Variants in CRIM1 observed in about 807,000 individuals in gnomAD.
CRIM1 encodes cysteine rich transmembrane BMP regulator 1, also known as cysteine-rich motor neuron 1 protein.
A neutral mutation model predicts 116.4 loss-of-function variants in CRIM1; 32 were observed. That is an observed-to-expected ratio of 0.27 (90% CI 0.21 to 0.37). CRIM1 has a LOEUF of 0.37. Among genes scored for constraint, CRIM1 ranks in the 10% least tolerant of loss-of-function variants. The pLI is 1.00. For synonymous variants in CRIM1, 590 were observed against 509.2 expected, an observed-to-expected ratio of 1.16 and a Z score of -2.13; for missense variants, 1,331 against 1,354.8, an observed-to-expected ratio of 0.98 and a Z score of 0.28.
intron 1 of CRIM1, among the ~76,000 whole-genome samples, chr2:36,376,282 T>C (rs1366704877): frequency 6.6e-6 from 1 of 152,238 alleles, no homozygotes; most frequent in Non-Finnish European, 1.5e-5. Context: ...AATGTGATTA[T>C]AAATGTTTAA....
chr2:36,401,234 G>A (rs1367049843), intron 2 of CRIM1, among the ~76,000 whole-genome samples: 1 of 151,846 alleles, frequency 6.6e-6, no homozygotes, highest in African/African-American at 2.4e-5. Flanking sequence ...TTTACTCAGT[G>A]TTTTCTTTTC....
intron 4 of CRIM1, among the ~76,000 whole-genome samples, chr2:36,461,485 GA>G (rs1160926659): frequency 6.6e-6 from 1 of 152,144 alleles, no homozygotes. Flanking sequence ...CTCAGTAGAG[GA>G]AAATCTAGTC....
chr2:36,363,850 A>G (rs755700260), intron 1 of CRIM1, among the ~76,000 whole-genome samples: 5 of 152,174 alleles, frequency 3.3e-5, no homozygotes, highest in African/African-American at 9.7e-5. Flanking sequence ...GCTCGACGCC[A>G]TGGGGGCTAT....
In CRIM1 at chr2:36,356,264, C is replaced by CGAGGAG. The variant is rs1472387571; in HGVS notation, c.-24_-19dup. 1.5e-6 allele frequency: 2 copies of CGAGGAG among 1,313,168 alleles called. No homozygotes were observed. The allele number at this position is 1,313,168 out of a possible 1,614,324, so 81.3% of individuals were successfully genotyped here. A position where few individuals can be genotyped will look rare whatever the true frequency, so the allele number is the denominator to read the frequency against. On this transcript the variant is annotated 5_prime_UTR_variant, in exon 1 of 17. Coordinates refer to ENST00000280527, the MANE Select transcript of CRIM1 (RefSeq NM_016441.3). The surrounding 1 kb of genome is among the most constrained non-coding windows in gnomAD (Gnocchi z 4.3). ...GCCCGCCCCGCTCCCGGCCCGGCTG[C>CGAGGAG]GAGGAGGAGGCGGCGGCGGCGCAGG...
chr2:36,356,368 C>T lies in CRIM1; in HGVS notation c.76C>T (p.Leu26=). 2.5e-6 allele frequency: 4 copies of T among 1,595,656 alleles called. No homozygotes were observed. The highest frequency in any genetic ancestry group is 3.4e-6 in the Non-Finnish European group (4 of 1,173,480). The change falls in exon 1 of 17, where the codon CTG becomes TTG. Residue 26 remains leucine, a synonymous_variant. Coordinates refer to ENST00000280527, the MANE Select transcript of CRIM1 (RefSeq NM_016441.3). This position sits in a 1 kb window ranked among gnomAD's most constrained non-coding sequence, Gnocchi z 4.3. ...GGTCTCGCTGCTGGGGCTGCTGCTG[C>T]TGCTGGCGCGCTCCGGCACCCGGGC... ...LLVSLLGLLL[L]LARSGTRALV...
chr2:36,380,330 G>C (rs1484949377), intron 1 of CRIM1, among the ~76,000 whole-genome samples: 1 of 152,156 alleles, frequency 6.6e-6, no homozygotes, highest in Non-Finnish European at 1.5e-5. Flanking sequence ...GTGTCAGAGG[G>C]ATTCAGCACT....
chr2:36,421,501 C>T (rs3770903), intron 2 of CRIM1, among the ~76,000 whole-genome samples: 31,411 of 152,074 alleles, frequency 0.21, 4,556 homozygotes, highest in East Asian at 0.56. Flanking sequence ...CTTACTTTTC[C>T]ACTTTCAGTA....
At chr2:36,542,144 C>A (rs1012205427) in intron 14 of CRIM1, among the ~76,000 whole-genome samples, 1 of 152,094 alleles carries the variant, frequency 6.6e-6, no homozygotes, top group African/African-American at 2.4e-5. Flanking sequence ...TGAGCTAATA[C>A]ACAGGACAGG....
intron 7 of CRIM1, among the ~76,000 whole-genome samples, chr2:36,484,257 G>A (rs1227251901): frequency 4.6e-5 from 7 of 152,120 alleles, no homozygotes; most frequent in Admixed American, 1.3e-4. Context: ...CATGGTGTAG[G>A]TGCCACTGCA....
chr2:36,475,936 A>G (rs1678942596), intron 5 of CRIM1, among the ~76,000 whole-genome samples: 1 of 152,186 alleles, frequency 6.6e-6, no homozygotes, highest in South Asian at 2.1e-4. Context: ...TCACTTGGTC[A>G]TGGTGTATAA....
chr2:36,358,373 A>T (rs984135854), intron 1 of CRIM1, among the ~76,000 whole-genome samples: 1 of 152,272 alleles, frequency 6.6e-6, no homozygotes. Flanking sequence ...AACAGGCGAC[A>T]TGAAACACAG....
At chr2:36,514,112 C>T (rs1480550410) in intron 11 of CRIM1, among the ~76,000 whole-genome samples, 1 of 152,208 alleles carries the variant, frequency 6.6e-6, no homozygotes, top group Non-Finnish European at 1.5e-5. Context: ...TGAATGTCCT[C>T]ATTAATATGA....
At chr2:36,508,525 T>A (rs1681587377) in intron 8 of CRIM1, among the ~76,000 whole-genome samples, 1 of 152,178 alleles carries the variant, frequency 6.6e-6, no homozygotes, top group Admixed American at 6.5e-5. Flanking sequence ...AATTTGTTCA[T>A]CATTCCAATA....
chr2:36,402,988 T>C (rs183912458), intron 2 of CRIM1, among the ~76,000 whole-genome samples: 2 of 152,278 alleles, frequency 1.3e-5, no homozygotes, highest in East Asian at 3.9e-4. Context: ...CTCTATGGTG[T>C]ATAATTACAA....
At chr2:36,528,134 C>T (rs139389417) in intron 13 of CRIM1, among the ~76,000 whole-genome samples, 5 of 152,290 alleles carry the variant, frequency 3.3e-5, no homozygotes, top group African/African-American at 7.2e-5. Flanking sequence ...AGTAGAATTG[C>T]TGCTCTCGTA....
Position 36,356,604 on chromosome 2 carries a change from C to T in CRIM1, c.312C>T (p.Tyr104=). 2 of 1,608,786 alleles carry T rather than the reference C, an allele frequency of 1.2e-6. No homozygotes were observed. Among genetic ancestry groups the T allele is most frequent in the Non-Finnish European group, 1.7e-6 (2 of 1,178,314 alleles). Reference sequence around the variant, plus strand: ...TCAATGGCGACTCCCTCACCGAGTACGAAGCGGGCGTTTGCGAAGGTACGG... The same window carrying T: ...TCAATGGCGACTCCCTCACCGAGTATGAAGCGGGCGTTTGCGAAGGTACGG... ...PPLNGDSLTE[Y]EAGVCEDENW... is the part of the protein sequence containing the mutation. The change falls in exon 1 of 17, where the codon TAC becomes TAT. Residue 104 remains tyrosine (Y), a synonymous_variant. Transcript: ENST00000280527. This position sits in a 1 kb window ranked among gnomAD's most constrained non-coding sequence, Gnocchi z 4.3.
intron 14 of CRIM1, among the ~76,000 whole-genome samples, chr2:36,541,173 A>G (rs1666917796): frequency 6.6e-6 from 1 of 152,052 alleles, no homozygotes; most frequent in African/African-American, 2.4e-5. Flanking sequence ...CTCACCACCA[A>G]AGTTTCACGC....
At chr2:36,416,386 G>A (rs1673624098) in intron 2 of CRIM1, among the ~76,000 whole-genome samples, 1 of 152,166 alleles carries the variant, frequency 6.6e-6, no homozygotes. Context: ...AAGCTTGTGA[G>A]GAGAGAGGTA....
intron 7 of CRIM1, among the ~76,000 whole-genome samples, chr2:36,495,215 GAC>G (rs1258110984): frequency 6.6e-6 from 1 of 152,088 alleles, no homozygotes; most frequent in African/African-American, 2.4e-5. Flanking sequence ...TGTATTCTCC[GAC>G]ACACAGTTTC....
Sources: allele counts gnomAD v4.1 joint callset (sites outside exome capture counted in the v4.1 genomes callset), GRCh38; gene constraint gnomAD v4.1.1; non-coding constraint Gnocchi (gnomAD v3.1); transcripts MANE v1.5; gene names NCBI Gene and HGNC (gene_info 2026-07-23, HGNC 2026-07-21).